Variants in ISL1 observed in about 807,000 individuals in gnomAD.
ISL1 encodes ISL LIM homeobox 1.
ISL1 carries 4 observed loss-of-function variants against 35.3 expected under a neutral mutation model. The ratio of observed to expected loss-of-function variants is 0.11; its 90% CI spans 0.06 to 0.26. ISL1 has a LOEUF of 0.26. Among genes scored for constraint, ISL1 ranks in the 10% least tolerant of loss-of-function variants. ISL1 has a pLI of 1.00. For synonymous variants in ISL1, 186 were observed against 172.3 expected (o/e 1.08, Z -0.62); for missense variants, 340 against 472.8 (o/e 0.72, Z 2.60).
chr5:51,389,897 A>C lies in ISL1; in HGVS notation c.730A>C (p.Lys244Gln), dbSNP rs1747446058. Residue 244 changes from lysine (K) to glutamine (Q), a missense_variant, in exon 4 of 6, where the codon AAG becomes CAG. Lys to Gln is a moderately conservative substitution (Grantham distance 53). Around this residue, in one of 7 missense-constraint regions of ISL1, gnomAD observed 25 missense variants for 43.2 expected, o/e 0.58. Transcript: ENST00000230658. The surrounding 1 kb of genome is among the most constrained non-coding windows in gnomAD (Gnocchi z 5.0). ...CKDKKRSIMM[K>Q]QLQQQQPNDK... ...GGACAAGAAGCGAAGCATCATGATG[A>C]AGCAACTCCAGCAGCAGCAGCCCAA... 1 of 1,613,958 alleles carries C rather than the reference A, an allele frequency of 6.2e-7. No individual in the cohort carries two copies. The highest frequency in any genetic ancestry group is 1.1e-5 in the South Asian group (1 of 91,084).
At chr5:51,391,224 G>C (rs1473624173) in intron 4 of ISL1, 50 bp from the exon 5 acceptor site, 1 of 1,595,126 alleles carries the variant, frequency 6.3e-7, no homozygotes, top group Admixed American at 1.7e-5. Flanking sequence ...AACGGAGGGA[G>C]GGAATTTGCT....
intron 1 of ISL1, 142 bp from the exon 2 acceptor site, chr5:51,384,399 G>A (rs4865658): frequency 0.38 from 250,574 of 664,218 alleles, 51,402 homozygotes; most frequent in African/African-American, 0.62. Flanking sequence ...AAAGTGCAAT[G>A]CTCTAAAAAA....
At chr5:51,392,815 T>C (rs1389216616) in intron 5 of ISL1, among the ~76,000 whole-genome samples, 1 of 152,074 alleles carries the variant, frequency 6.6e-6, no homozygotes, top group Non-Finnish European at 1.5e-5. Context: ...AGCAGTACAA[T>C]GCGTTTAGGG....
At chr5:51,386,734 C>A in intron 2 of ISL1, 2 of 409,832 alleles carry the variant, frequency 4.9e-6, no homozygotes, top group Non-Finnish European at 9.6e-6. Flanking sequence ...GATTCAGCAA[C>A]TTGAAAAAGA....
chr5:51,391,455 C>T lies in ISL1; in HGVS notation c.933+14C>T. ...TTTCAGCAACTGGTAAGTGTCAGCT[C>T]CCAGATGGAAGAGGCTGAATTCCCA... is the stretch of plus-strand genomic sequence containing the variant. On this transcript the variant is annotated intron_variant, in intron 5 of 5. Coordinates refer to ENST00000230658, the MANE Select transcript of ISL1 (RefSeq NM_002202.3). 6.2e-7 allele frequency: 1 copy of T among 1,613,748 alleles called. No individual in the cohort carries two copies. Among genetic ancestry groups the T allele is most frequent in the Non-Finnish European group, 8.5e-7 (1 of 1,179,754 alleles).
At chr5:51,384,471 GAC>G in intron 1 of ISL1, 68 bp from the exon 2 acceptor site, 1 of 1,383,906 alleles carries the variant, frequency 7.2e-7, no homozygotes, top group Non-Finnish European at 1.0e-6. Flanking sequence ...ATAAGAGAAC[GAC>G]ACTAAAAGTG....
Position 51,390,059 on chromosome 5 carries a change from G to C in ISL1, c.765+127G>C, listed in dbSNP as rs1173664992. On this transcript the variant is annotated intron_variant, in intron 4 of 5. Transcript: ENST00000230658. ...CCTGGGCAGGAGTTTGGCCGGGGCTGCCCCTCATCCTTACCCCCCTACCCA... is the reference window on the plus strand; with the variant it reads ...CCTGGGCAGGAGTTTGGCCGGGGCTCCCCCTCATCCTTACCCCCCTACCCA... 8.7e-6 allele frequency: 10 copies of C among 1,153,474 alleles called. No homozygotes were observed. The Admixed American group carries it at 2.1e-4, about 25-fold the overall frequency. The allele number at this position is 1,153,474 out of a possible 1,614,324, so 71.5% of individuals were successfully genotyped here. A position where few individuals can be genotyped will look rare whatever the true frequency, so the allele number is the denominator to read the frequency against.
rs57707586 is a variant in ISL1, at chr5:51,390,642, C to CTTTTTTTTTTTTTTTTTTT, written c.766-612_766-594dup. Among the ~76,000 whole-genome samples, 44 of 40,204 alleles carry CTTTTTTTTTTTTTTTTTTT rather than the reference C, an allele frequency of 1.1e-3. 2 individuals are homozygous for CTTTTTTTTTTTTTTTTTTT. Among genetic ancestry groups the CTTTTTTTTTTTTTTTTTTT allele is most frequent in the Non-Finnish European group, 1.3e-3 (28 of 21,276 alleles). The allele number at this position is 40,204 out of a possible 152,430, so 26.4% of individuals were successfully genotyped here. ...TCCTTTTTTTCTTTTCTTTCTTTTT[C>CTTTTTTTTTTTTTTTTTTT]TTTTTTTTTTTTTTTTTTTTTTTTT... On this transcript the variant is annotated intron_variant, in intron 4 of 5. Transcript: ENST00000230658.
chr5:51,391,875 C>T lies in ISL1; in HGVS notation c.933+434C>T, dbSNP rs145440884. 3.9e-3 allele frequency among the ~76,000 whole-genome samples: 600 copies of T among 151,990 alleles called. 2 individuals carry two copies. Among genetic ancestry groups the T allele is most frequent in the African/African-American group, 0.013 (556 of 41,416 alleles). On this transcript the variant is annotated intron_variant, in intron 5 of 5. Coordinates refer to ENST00000230658, the MANE Select transcript of ISL1 (RefSeq NM_002202.3). ...ATCTAGAGAATGGGATATATAGGAC[C>T]CAAATCAAGGCGATTGTAGTATATA...
In ISL1 at chr5:51,389,243, G is replaced by A. The variant is rs537922196; in HGVS notation, c.479-403G>A. ...AATCAATGTAACTGGGGCCCAGTCT[G>A]GGCACAAGGAAAGGTGAGAATGGAG... On this transcript the variant is annotated intron_variant, in intron 3 of 5. Transcript: ENST00000230658. This position sits in a 1 kb window ranked among gnomAD's most constrained non-coding sequence, Gnocchi z 5.0. 1.3e-5 allele frequency among the ~76,000 whole-genome samples: 2 copies of A among 152,158 alleles called. No homozygotes were observed. Among genetic ancestry groups the A allele is most frequent in the East Asian group, 2.0e-4 (1 of 5,124 alleles).
Position 51,387,879 on chromosome 5 carries a change from T to C in ISL1, c.478+130T>C. ...CTGCAGTTAAATGAAGTGTTCTGTA[T>C]GCAATTTGCGCTGTGCTCTGCTCCT... On this transcript the variant is annotated intron_variant, in intron 3 of 5. Coordinates refer to ENST00000230658, the MANE Select transcript of ISL1 (RefSeq NM_002202.3). The surrounding 1 kb of genome is among the most constrained non-coding windows in gnomAD (Gnocchi z 4.3). The C allele has an allele frequency of 8.0e-7, 1 of 1,242,864 alleles. No individual in the cohort carries two copies. Among genetic ancestry groups the C allele is most frequent in the Middle Eastern group, 2.6e-4 (1 of 3,846 alleles). The allele number at this position is 1,242,864 out of a possible 1,614,324, so 77.0% of individuals were successfully genotyped here. A position where few individuals can be genotyped will look rare whatever the true frequency, so the allele number is the denominator to read the frequency against.
Position 51,394,462 on chromosome 5 carries a change from T to A in ISL1, c.*852T>A, listed in dbSNP as rs1747590836. On this transcript the variant is annotated 3_prime_UTR_variant, in exon 6 of 6. Coordinates refer to ENST00000230658, the MANE Select transcript of ISL1 (RefSeq NM_002202.3). ...TAAAAAGGAAAAAAAAAAAGGAAAC[T>A]TTTTTTGTTTGCTCTTGCATTGCAA... 1 of 151,506 alleles carries A rather than the reference T, an allele frequency of 6.6e-6. No homozygotes were observed. The highest frequency in any genetic ancestry group is 1.5e-5 in the Non-Finnish European group (1 of 67,842). 9.4% of individuals were successfully genotyped at this position (151,506 alleles called of 1,614,324 possible). A position where few individuals can be genotyped will look rare whatever the true frequency, so the allele number is the denominator to read the frequency against.
rs1479732655 is a variant in ISL1, at chr5:51,387,954, A to G, written c.478+205A>G. ...CTGTCTCCCTTGATTCCCCGAGCAC[A>G]CCTACACCGTCTGTGTGTCTCTATA... is the stretch of plus-strand genomic sequence containing the variant. On this transcript the variant is annotated intron_variant, in intron 3 of 5. Coordinates refer to ENST00000230658, the MANE Select transcript of ISL1 (RefSeq NM_002202.3). The surrounding 1 kb of genome is among the most constrained non-coding windows in gnomAD (Gnocchi z 4.3). Among the ~76,000 whole-genome samples, 2 of 152,256 alleles carry G rather than the reference A, an allele frequency of 1.3e-5. No homozygotes were observed. The highest frequency in any genetic ancestry group is 4.8e-5 in the African/African-American group (2 of 41,470).
rs1307655122 is a variant in ISL1 at position 51,389,654 on chromosome 5, A to G, written c.487A>G (p.Ile163Val). ...CGCTCCTTGCCCCGCAGCGGAGCCC[A>G]TCTCCGCCAGGCAGCCAGCCCTGCG... ...ARPLQMAAEP[I>V]SARQPALRPH... The change falls in exon 4 of 6, where the codon ATC (isoleucine) becomes GTC (valine). Residue 163 changes from isoleucine (I) to valine (V), a missense_variant. Ile to Val is a conservative substitution (Grantham distance 29). Transcript: ENST00000230658. The surrounding 1 kb of genome is among the most constrained non-coding windows in gnomAD (Gnocchi z 5.0). 1.9e-6 allele frequency: 3 copies of G among 1,609,346 alleles called. No homozygotes were observed. The highest frequency in any genetic ancestry group is 2.2e-5 in the East Asian group (1 of 44,806).
rs539656798 is a variant in ISL1, at chr5:51,391,203, C to A, written c.766-71C>A. ...ATAATACCAGGGTATATTTGCTTAG[C>A]CTGTGCAGACAACGGAGGGAGGGAA... is the stretch of plus-strand genomic sequence containing the variant. On this transcript the variant is annotated intron_variant, in intron 4 of 5. Coordinates refer to ENST00000230658, the MANE Select transcript of ISL1 (RefSeq NM_002202.3). 296 of 1,512,652 alleles carry A rather than the reference C, an allele frequency of 2.0e-4. 5 individuals carry two copies. In the South Asian group the frequency reaches 3.2e-3, roughly 16 times the overall value. 93.7% of individuals were successfully genotyped at this position (1,512,652 alleles called of 1,614,324 possible). A position where few individuals can be genotyped will look rare whatever the true frequency, so the allele number is the denominator to read the frequency against.
At chr5:51,388,733 T>C (rs1484051942) in intron 3 of ISL1, among the ~76,000 whole-genome samples, 2 of 152,216 alleles carry the variant, frequency 1.3e-5, no homozygotes, top group Non-Finnish European at 2.9e-5. Context: ...TTCTGGCAGC[T>C]CTAAGAATTC....
chr5:51,392,115 C>T (rs1406682354), intron 5 of ISL1, among the ~76,000 whole-genome samples: 1 of 152,060 alleles, frequency 6.6e-6, no homozygotes, highest in East Asian at 1.9e-4. Flanking sequence ...CAGTGTGTAC[C>T]ATGTATAGCA....
In ISL1 at chr5:51,391,173, A is replaced by G. The variant is rs189872668; in HGVS notation, c.766-101A>G. ...TGAGTCAATAAAGACCACTATATAGATAAGATAATACCAGGGTATATTTGC... is the reference window on the plus strand; with the variant it reads ...TGAGTCAATAAAGACCACTATATAGGTAAGATAATACCAGGGTATATTTGC... On this transcript the variant is annotated intron_variant, in intron 4 of 5. Transcript: ENST00000230658. 5.5e-3 allele frequency: 6,229 copies of G among 1,128,108 alleles called. 58 individuals are homozygous for G. The highest frequency in any genetic ancestry group is 4.6e-3 in the Non-Finnish European group (3,593 of 773,694). The allele number at this position is 1,128,108 out of a possible 1,614,324, so 69.9% of individuals were successfully genotyped here.
At position 51,387,706 on chromosome 5, in the gene ISL1, C is replaced by T. The variant is rs1246687182; in HGVS notation, c.435C>T (p.Asp145=). The part of the protein sequence containing the change: ...VVERASLGAG[D]PLSPLHPARP... ...AGAGGGCCAGTCTAGGCGCTGGCGA[C>T]CCGCTCAGTCCCCTGCATCCAGCGC... is the stretch of plus-strand genomic sequence containing the variant. The change falls in exon 3 of 6, where the codon GAC becomes GAT. Residue 145 remains aspartate, a synonymous_variant. Coordinates refer to ENST00000230658, the MANE Select transcript of ISL1 (RefSeq NM_002202.3). This position sits in a 1 kb window ranked among gnomAD's most constrained non-coding sequence, Gnocchi z 4.3. 1 of 1,614,086 alleles carries T rather than the reference C, an allele frequency of 6.2e-7. No individual in the cohort carries two copies. The highest frequency in any genetic ancestry group is 1.3e-5 in the African/African-American group (1 of 74,944).
Sources: allele counts gnomAD v4.1 joint callset (sites outside exome capture counted in the v4.1 genomes callset), GRCh38; gene constraint gnomAD v4.1.1; regional missense constraint gnomAD v4.1.1; non-coding constraint Gnocchi (gnomAD v3.1); transcripts MANE v1.5; gene names NCBI Gene and HGNC (gene_info 2026-07-23, HGNC 2026-07-21).